GRM1: variants seen among roughly 807,000 people sequenced by gnomAD.
GRM1 encodes the protein metabotropic glutamate receptor 1.
GRM1 carries 33 observed loss-of-function variants against 90.9 expected under a neutral mutation model. The observed-to-expected ratio is 0.36, with a 90% CI of 0.28 to 0.49. The LOEUF (loss-of-function observed/expected upper bound fraction) is 0.49. GRM1 is among the 20% of genes least tolerant of loss of function. The probability of loss-of-function intolerance (pLI) is 0.99; values close to 1 mark genes in which losing one functional copy is unlikely to be tolerated. For missense variants in GRM1, 1,190 were observed against 1,534.3 expected, an observed-to-expected ratio of 0.78 and a Z score of 3.75; for synonymous variants, 700 against 613.2, an observed-to-expected ratio of 1.14 and a Z score of -2.09.
intron 3 of GRM1, among the ~76,000 whole-genome samples, chr6:146,318,486 T>TA (rs1446583708): frequency 3.9e-5 from 6 of 152,308 alleles, no homozygotes; most frequent in Admixed American, 6.5e-5. Flanking sequence ...GTATTTATGG[T>TA]AAAATCATTT....
rs573898609 is a variant in GRM1 at position 146,129,708 on chromosome 6, C to G, written c.701-29640C>G. ...ATTGTTAAAGGTCCCAAACTCTAGC[C>G]TGGGTCTGTTTTGCGTGGTCATTAT... On this transcript the variant is annotated intron_variant, in intron 1 of 7. Transcript: ENST00000282753. Among the ~76,000 whole-genome samples, 6 of 152,252 alleles carry G rather than the reference C, an allele frequency of 3.9e-5. No individual in the cohort carries two copies. In the South Asian group the frequency reaches 6.2e-4, roughly 16 times the overall value.
At chr6:146,119,146 G>A (rs1391796712) in intron 1 of GRM1, among the ~76,000 whole-genome samples, 1 of 152,216 alleles carries the variant, frequency 6.6e-6, no homozygotes. Flanking sequence ...ACTGGTGTGA[G>A]ATGGTATCTC....
intron 5 of GRM1, among the ~76,000 whole-genome samples, chr6:146,371,939 C>T (rs1047344880): frequency 1.3e-5 from 2 of 152,060 alleles, no homozygotes; most frequent in African/African-American, 2.4e-5. Context: ...GTGCAGATAT[C>T]TCTTCAATAT....
chr6:146,260,467 T>C (rs937565845), intron 2 of GRM1, among the ~76,000 whole-genome samples: 3 of 152,116 alleles, frequency 2.0e-5, no homozygotes, highest in African/African-American at 7.2e-5. Flanking sequence ...AACATACATG[T>C]GCATGTGTTT....
chr6:146,270,167 A>ACAAGAGAACAGTGCATATT (rs1782061996), intron 2 of GRM1, among the ~76,000 whole-genome samples: 1 of 152,130 alleles, frequency 6.6e-6, no homozygotes, highest in African/African-American at 2.4e-5. Context: ...ATTTCCAAGA[A>ACAAGAGAACAGTGCATATT]CTCCAAAGAG....
chr6:146,309,292 G>T (rs1303798490), intron 3 of GRM1, among the ~76,000 whole-genome samples: 1 of 151,752 alleles, frequency 6.6e-6, no homozygotes, highest in East Asian at 1.9e-4. Flanking sequence ...CTAGCTACTC[G>T]GGAGGCTGAG....
intron 2 of GRM1, among the ~76,000 whole-genome samples, chr6:146,237,111 G>A (rs760532532): frequency 1.3e-5 from 2 of 152,020 alleles, no homozygotes; most frequent in Non-Finnish European, 2.9e-5. Context: ...CCTTAGATTT[G>A]AGGTTAGTTG....
At chr6:146,186,137 A>AT (rs912359138) in intron 2 of GRM1, among the ~76,000 whole-genome samples, 1 of 100,008 alleles carries the variant, frequency 1.0e-5, no homozygotes, top group Admixed American at 1.0e-4. Context: ...TTATTTATTT[A>AT]TTATTATTAT....
intron 7 of GRM1, among the ~76,000 whole-genome samples, chr6:146,422,847 A>C (rs1778048456): frequency 6.6e-6 from 1 of 152,148 alleles, no homozygotes; most frequent in South Asian, 2.1e-4. Context: ...ATATATGGGT[A>C]AAGTTACGCA....
chr6:146,131,784 G>A (rs1308271605), intron 1 of GRM1, among the ~76,000 whole-genome samples: 1 of 152,132 alleles, frequency 6.6e-6, no homozygotes, highest in Non-Finnish European at 1.5e-5. Context: ...TGGTATGCAG[G>A]CATCAAGCAA....
chr6:146,357,455 A>G (rs1785629948), intron 4 of GRM1, 71 bp from the exon 5 acceptor site: 9 of 1,224,124 alleles, frequency 7.4e-6, no homozygotes, highest in Middle Eastern at 2.0e-4. Flanking sequence ...ATTATTATCT[A>G]CTTACCAACT....
chr6:146,222,432 T>A (rs534032295), intron 2 of GRM1, among the ~76,000 whole-genome samples: 21 of 152,044 alleles, frequency 1.4e-4, no homozygotes, highest in Non-Finnish European at 2.9e-4. Flanking sequence ...TGTGCATGTG[T>A]GCAAAATCCC....
intron 7 of GRM1, among the ~76,000 whole-genome samples, chr6:146,400,009 T>G (rs1316704818): frequency 6.6e-6 from 1 of 152,238 alleles, no homozygotes; most frequent in African/African-American, 2.4e-5. Context: ...AACTTACCCT[T>G]TCGCATGGGA....
chr6:146,428,903 C>A (rs1441255738), intron 7 of GRM1, among the ~76,000 whole-genome samples: 1 of 152,122 alleles, frequency 6.6e-6, no homozygotes, highest in Non-Finnish European at 1.5e-5. Flanking sequence ...TCTACCCAGA[C>A]AAACTTTATG....
intron 1 of GRM1, among the ~76,000 whole-genome samples, chr6:146,049,291 A>G (rs922641693): frequency 6.6e-6 from 1 of 152,018 alleles, no homozygotes; most frequent in Non-Finnish European, 1.5e-5. Flanking sequence ...GTATTTCCCA[A>G]GAGATTCACA....
At chr6:146,169,581 G>C (rs539490830) in intron 2 of GRM1, among the ~76,000 whole-genome samples, 1 of 151,992 alleles carries the variant, frequency 6.6e-6, no homozygotes, top group South Asian at 2.1e-4. Context: ...TCTCCTTTTT[G>C]GTACTCTGTC....
intron 5 of GRM1, among the ~76,000 whole-genome samples, chr6:146,374,632 T>C (rs1257147277): frequency 3.9e-5 from 6 of 152,130 alleles, no homozygotes; most frequent in African/African-American, 1.4e-4. Context: ...CTATTTCTTC[T>C]AGATTTTTAA....
At chr6:146,349,244 TTA>T (rs199554831) in intron 3 of GRM1, among the ~76,000 whole-genome samples, 19 of 64,454 alleles carry the variant, frequency 2.9e-4, no homozygotes, top group African/African-American at 9.9e-4. Context: ...TTTTTTTTTT[TTA>T]TTTTTTTTTT....
At chr6:146,357,381 T>C (rs570644555) in intron 4 of GRM1, 145 bp from the exon 5 acceptor site, 11 of 690,398 alleles carry the variant, frequency 1.6e-5, no homozygotes, top group Admixed American at 1.5e-4. Context: ...AGAGGAAACA[T>C]AAGAAATAAG....
Sources: allele counts gnomAD v4.1 joint callset (sites outside exome capture counted in the v4.1 genomes callset), GRCh38; gene constraint gnomAD v4.1.1; transcripts MANE v1.5; gene names NCBI Gene and HGNC (gene_info 2026-07-23, HGNC 2026-07-21).